Variants in TCIRG1 observed in about 807,000 individuals in gnomAD.
TCIRG1 encodes the protein V-type proton ATPase 116 kDa subunit a 3.
A neutral mutation model predicts 95.5 loss-of-function variants in TCIRG1; 86 were observed. That is an observed-to-expected ratio of 0.90 (90% confidence interval 0.76 to 1.08). The LOEUF is 1.08. TCIRG1 is among the 50% of genes least tolerant of loss of function. TCIRG1 has a pLI of 0.00. For missense variants in TCIRG1, 1,069 were observed against 1,140.2 expected, an observed-to-expected ratio of 0.94 and a Z score of 0.90; for synonymous variants, 499 against 501.3, an observed-to-expected ratio of 1.00 and a Z score of 0.06.
In TCIRG1 at chr11:68,045,109, G is replaced by A. The variant is rs1025878711; in HGVS notation, c.1165+7G>A. 3 of 1,599,966 alleles carry A rather than the reference G, an allele frequency of 1.9e-6. No homozygotes were observed. The highest frequency in any genetic ancestry group is 2.7e-5 in the African/African-American group (2 of 74,952). On this transcript the variant is annotated splice_region_variant and intron_variant, in intron 10 of 19. Coordinates refer to ENST00000265686, the MANE Select transcript of TCIRG1 (RefSeq NM_006019.4). ...TACCAGGAGGTCAACCCCGGTGAGAGCCACGGCATCCTTACCCGTGTCCTG... is the reference window on the plus strand; with the variant it reads ...TACCAGGAGGTCAACCCCGGTGAGAACCACGGCATCCTTACCCGTGTCCTG...
chr11:68,048,429 G>A, intron 13 of TCIRG1: 1 of 342,886 alleles, frequency 2.9e-6, no homozygotes, highest in Admixed American at 4.1e-5. Flanking sequence ...GAGTAGCTGG[G>A]ATTACAGGCG....
chr11:68,045,202 C>A, intron 10 of TCIRG1, 100 bp downstream of exon 10: 1 of 1,464,340 alleles, frequency 6.8e-7, no homozygotes, highest in Non-Finnish European at 9.3e-7. Flanking sequence ...TGGGCCTGGC[C>A]TGCCCTCCTG....
At position 68,042,993 on chromosome 11, in the gene TCIRG1, C is replaced by G. The variant is rs754896714; in HGVS notation, c.465C>G (p.Leu155=). 2 of 1,553,904 alleles carry G rather than the reference C, an allele frequency of 1.3e-6. No individual in the cohort carries two copies. The highest frequency in any genetic ancestry group is 1.2e-5 in the South Asian group (1 of 84,422). ...GGGCCTCAGAGAGGACGCCCCTGCTCCAGGCCCCCGGGGGGCCGCACCAGG... is the reference window on the plus strand; with the variant it reads ...GGGCCTCAGAGAGGACGCCCCTGCTGCAGGCCCCCGGGGGGCCGCACCAGG... ...TDGASERTPL[L]QAPGGPHQDL... The change falls in exon 5 of 20, where the codon CTC becomes CTG. Residue 155 remains leucine (L), a synonymous_variant. Coordinates refer to ENST00000265686, the MANE Select transcript of TCIRG1 (RefSeq NM_006019.4).
chr11:68,044,027 G>A lies in TCIRG1; in HGVS notation c.808-105G>A, dbSNP rs571533055. On this transcript the variant is annotated intron_variant, in intron 8 of 19. Transcript: ENST00000265686. ...TCCAGGAGGTGGGTGCAGGAGGTGG[G>A]TGCCCTGGCCTGGCCTCCAGGAGGT... 6.7e-5 allele frequency: 88 copies of A among 1,319,178 alleles called. No homozygotes were observed. In the East Asian group the frequency reaches 2.1e-3, roughly 32 times the overall value. The allele number at this position is 1,319,178 out of a possible 1,614,324, so 81.7% of individuals were successfully genotyped here.
downstream of TCIRG1, among the ~76,000 whole-genome samples, chr11:68,051,568 G>T (rs970253808): frequency 6.6e-6 from 1 of 152,226 alleles, no homozygotes; most frequent in Non-Finnish European, 1.5e-5. Flanking sequence ...CTGCAAAGTG[G>T]TTCTTCCCAC....
downstream of TCIRG1, chr11:68,053,302 G>A (rs1173938209): frequency 1.3e-5 from 2 of 152,334 alleles, no homozygotes; most frequent in African/African-American, 4.8e-5. Context: ...CAGGAGGAAG[G>A]GCAGGGGAGA....
At chr11:68,051,349 A>T (rs80215136), downstream of TCIRG1, among the ~76,000 whole-genome samples, 154 of 152,322 alleles carry the variant, frequency 1.0e-3, 3 homozygotes, top group East Asian at 0.027. Flanking sequence ...CCAGCAGCAG[A>T]CATTACCCAG....
intron 8 of TCIRG1, 99 bp downstream of exon 8, chr11:68,044,006 G>A: frequency 7.6e-7 from 1 of 1,309,952 alleles, no homozygotes; most frequent in Admixed American, 2.0e-5. Context: ...CTGGCCTCCA[G>A]GAGGTGGGTG....
In TCIRG1 at chr11:68,048,875, C is replaced by T. The variant is rs1855641952; in HGVS notation, c.1555-4C>T. 6.2e-7 allele frequency: 1 copy of T among 1,607,384 alleles called. No homozygotes were observed. Among genetic ancestry groups the T allele is most frequent in the Non-Finnish European group, 8.5e-7 (1 of 1,177,748 alleles). On this transcript the variant is annotated splice_polypyrimidine_tract_variant and splice_region_variant and intron_variant, in intron 13 of 19. Transcript: ENST00000265686. ...AGTCCAGCCCACCCCTGCTGCCACC[C>T]TAGATTTGGAGCCTGGCTGCCAACC...
intron 5 of TCIRG1, 62 bp from the exon 6 acceptor site, chr11:68,043,309 G>A (rs1051904608): frequency 4.6e-6 from 7 of 1,523,780 alleles, no homozygotes; most frequent in African/African-American, 2.8e-5. Flanking sequence ...CTGCCCGGGG[G>A]GCCTGGTGGG....
intron 3 of TCIRG1, among the ~76,000 whole-genome samples, chr11:68,042,361 G>A (rs1299196963): frequency 6.6e-6 from 1 of 152,204 alleles, no homozygotes; most frequent in Non-Finnish European, 1.5e-5. Flanking sequence ...CAGGACTCAC[G>A]CCAGCTCCGG....
intron 16 of TCIRG1, 56 bp downstream of exon 16, chr11:68,049,844 G>C: frequency 1.3e-6 from 2 of 1,555,450 alleles, no homozygotes; most frequent in Non-Finnish European, 1.7e-6. Flanking sequence ...CCACTGTCCG[G>C]TGTGTCCCTG....
rs2134454148 is a variant in TCIRG1, at chr11:68,047,460, T to C, written c.1193T>C (p.Phe398Ser). The C allele has an allele frequency of 6.2e-7, 1 of 1,614,024 alleles. No individual in the cohort carries two copies. The highest frequency in any genetic ancestry group is 1.1e-5 in the South Asian group (1 of 91,082). ...CCCTACACCATCATCACCTTCCCCT[T>C]CCTGTTTGCTGTGATGTTCGGGGAT... ...PAPYTIITFP[F>S]LFAVMFGDVG... Residue 398 changes from phenylalanine to serine, a missense_variant, in exon 11 of 20, where the codon TTC (phenylalanine) becomes TCC (serine). Physicochemically the swap from Phe to Ser is radical, Grantham distance 155 (BLOSUM62 -2). Transcript: ENST00000265686.
intron 15 of TCIRG1, 132 bp downstream of exon 15, chr11:68,049,426 T>G: frequency 9.4e-7 from 1 of 1,062,322 alleles, no homozygotes; most frequent in Non-Finnish European, 1.3e-6. Flanking sequence ...GACAGGGCCG[T>G]CAGAGGTGAT....
At position 68,043,916 on chromosome 11, in the gene TCIRG1, C is replaced by T. The variant is rs2134440459; in HGVS notation, c.807+9C>T. 2.6e-6 allele frequency: 4 copies of T among 1,543,312 alleles called. No homozygotes were observed. The highest frequency in any genetic ancestry group is 2.6e-6 in the Non-Finnish European group (3 of 1,145,074). On this transcript the variant is annotated intron_variant, in intron 8 of 19. Coordinates refer to ENST00000265686, the MANE Select transcript of TCIRG1 (RefSeq NM_006019.4). ...GCCAGGAGCTGCAGGAGGTGGGTGC[C>T]CCCGGCCTTCCGGAGGCGGGTGTAG...
Position 68,042,624 on chromosome 11 carries a change from C to T in TCIRG1, c.197-19C>T, listed in dbSNP as rs902037758. 2 of 1,544,366 alleles carry T rather than the reference C, an allele frequency of 1.3e-6. No homozygotes were observed. Among genetic ancestry groups the T allele is most frequent in the Non-Finnish European group, 1.7e-6 (2 of 1,143,610 alleles). On this transcript the variant is annotated intron_variant, in intron 3 of 19. Coordinates refer to ENST00000265686, the MANE Select transcript of TCIRG1 (RefSeq NM_006019.4). ...GAGACAACCTCAACTGCACCCCACT[C>T]CCGTTCCTCTGCGCCCAGCCTTCCT...
rs559772650 is a variant in TCIRG1, at chr11:68,047,660, T to C, written c.1319T>C (p.Phe440Ser). 43 of 1,613,462 alleles carry C rather than the reference T, an allele frequency of 2.7e-5. No individual in the cohort carries two copies. In the South Asian group the frequency reaches 3.0e-4, roughly 11 times the overall value. ...KAAQNEIWQT[F>S]FRGRYLLLLM... Reference sequence around the variant, plus strand: ...CTGCCCCCCCAGATCTGGCAGACTTTCTTCAGGGGCCGCTACCTGCTCCTG... The same window carrying C: ...CTGCCCCCCCAGATCTGGCAGACTTCCTTCAGGGGCCGCTACCTGCTCCTG... The change falls in exon 12 of 20, where the codon TTC (phenylalanine) becomes TCC (serine). Residue 440 changes from phenylalanine to serine, a missense_variant. Physicochemically the swap from Phe to Ser is radical, Grantham distance 155. Coordinates refer to ENST00000265686, the MANE Select transcript of TCIRG1 (RefSeq NM_006019.4).
At chr11:68,046,975 C>T (rs1855517394) in intron 10 of TCIRG1, 1 of 453,984 alleles carries the variant, frequency 2.2e-6, no homozygotes, top group African/African-American at 2.0e-5. Context: ...AGTGGCTGGG[C>T]CAAGGTCACA....
In TCIRG1 at chr11:68,044,081, A is replaced by T. The variant is rs1443941559; in HGVS notation, c.808-51A>T. On this transcript the variant is annotated intron_variant, in intron 8 of 19. Transcript: ENST00000265686. ...TGCAGGAGGTGGGTGCCCCCGGCCC[A>T]GCCACCCCACCTGCCTGCCCAGCCC... The T allele has an allele frequency of 5.3e-6, 8 of 1,501,606 alleles. No individual in the cohort carries two copies. In the African/African-American group the frequency reaches 5.6e-5, roughly 10 times the overall value. 93.0% of individuals were successfully genotyped at this position (1,501,606 alleles called of 1,614,324 possible). A position where few individuals can be genotyped will look rare whatever the true frequency, so the allele number is the denominator to read the frequency against.
Sources: allele counts gnomAD v4.1 joint callset (sites outside exome capture counted in the v4.1 genomes callset), GRCh38; gene constraint gnomAD v4.1.1; transcripts MANE v1.5; gene names NCBI Gene and HGNC (gene_info 2026-07-23, HGNC 2026-07-21).